The following ASAP2 variants were observed in gnomAD, a reference collection of about 807,000 sequenced individuals.
ASAP2 encodes the protein ArfGAP with SH3 domain, ankyrin repeat and PH domain 2, also known as arf-GAP with SH3 domain, ANK repeat and PH domain-containing protein 2.
A neutral mutation model predicts 131.4 loss-of-function variants in ASAP2; 45 were observed. The ratio of observed to expected loss-of-function variants is 0.34; its 90% CI spans 0.27 to 0.44. ASAP2 has a LOEUF of 0.44. ASAP2 is among the 20% of genes least tolerant of loss of function. The pLI, the probability that ASAP2 is intolerant of heterozygous loss-of-function variation, is 1.00. For missense variants in ASAP2, 1,011 were observed against 1,297.0 expected (o/e 0.78, Z 3.39); for synonymous variants, 510 against 503.0 (o/e 1.01, Z -0.19).
intron 2 of ASAP2, among the ~76,000 whole-genome samples, chr2:9,291,479 C>T (rs1308448746): frequency 6.6e-6 from 1 of 152,182 alleles, no homozygotes; most frequent in East Asian, 1.9e-4. Flanking sequence ...GTGGCATGTA[C>T]AGCCGACAGC....
At chr2:9,256,183 AAAG>A (rs2148169380) in intron 1 of ASAP2, among the ~76,000 whole-genome samples, 1 of 140,796 alleles carries the variant, frequency 7.1e-6, no homozygotes, top group East Asian at 2.1e-4. Context: ...AAAAAAAAAG[AAAG>A]CAAGTAATTC....
At chr2:9,254,226 A>AT (rs1664938180) in intron 1 of ASAP2, among the ~76,000 whole-genome samples, 1 of 72,372 alleles carries the variant, frequency 1.4e-5, no homozygotes, top group Non-Finnish European at 2.7e-5. Context: ...AAAAAAAAAA[A>AT]AAAAAAAAAA....
At chr2:9,380,958 G>A (rs1674792885) in intron 20 of ASAP2, 150 bp downstream of exon 20, 2 of 886,156 alleles carry the variant, frequency 2.3e-6, no homozygotes, top group South Asian at 3.3e-5. Flanking sequence ...GCCTGCCTTG[G>A]AGAAGGTATG....
intron 16 of ASAP2, among the ~76,000 whole-genome samples, chr2:9,368,992 G>A (rs770971152): frequency 9.3e-5 from 14 of 151,154 alleles, no homozygotes; most frequent in Non-Finnish European, 1.9e-4. Flanking sequence ...TTGTGTTATT[G>A]TTGATACACA....
chr2:9,332,859 A>G (rs1322470843), intron 7 of ASAP2, among the ~76,000 whole-genome samples: 3 of 152,234 alleles, frequency 2.0e-5, no homozygotes, highest in African/African-American at 7.2e-5. Context: ...AACATATTCT[A>G]TATTCAGAAA....
At chr2:9,230,995 A>G (rs1663121744) in intron 1 of ASAP2, among the ~76,000 whole-genome samples, 2 of 152,162 alleles carry the variant, frequency 1.3e-5, no homozygotes, top group African/African-American at 4.8e-5. Context: ...TGGCAGCACA[A>G]ACCCCTGCCT....
In ASAP2 at chr2:9,388,541, G is replaced by C. The variant is rs756858723; in HGVS notation, c.2378G>C (p.Gly793Ala). Residue 793 changes from glycine to alanine, a missense_variant, in exon 22 of 28, where the codon GGC becomes GCC. By Grantham distance (60) the Gly-to-Ala change is moderately conservative (BLOSUM62 0). Coordinates refer to ENST00000281419, the MANE Select transcript of ASAP2 (RefSeq NM_003887.3). Reference sequence around the variant, plus strand: ...CCCCCGCTTCCTCCACGGAATGTTGGCAAAGGTATGAAGCTGTCCGTCATC... The same window carrying C: ...CCCCCGCTTCCTCCACGGAATGTTGCCAAAGGTATGAAGCTGTCCGTCATC... ...SAPPLPPRNV[G>A]KVQTASSANT... The C allele has an allele frequency of 2.5e-6, 4 of 1,612,682 alleles. No homozygotes were observed. Among genetic ancestry groups the C allele is most frequent in the African/African-American group, 1.3e-5 (1 of 74,828 alleles).
intron 3 of ASAP2, among the ~76,000 whole-genome samples, chr2:9,299,929 G>A (rs1668377756): frequency 6.6e-6 from 1 of 152,166 alleles, no homozygotes; most frequent in Non-Finnish European, 1.5e-5. Flanking sequence ...GGCCCTGAAT[G>A]GTTTGAAGAG....
At chr2:9,275,579 C>A (rs1666710269) in intron 1 of ASAP2, among the ~76,000 whole-genome samples, 1 of 152,314 alleles carries the variant, frequency 6.6e-6, no homozygotes, top group Middle Eastern at 3.4e-3. Flanking sequence ...GTTCCCTCTT[C>A]TTTGCGTAGC....
chr2:9,264,512 A>G (rs1488196935), intron 1 of ASAP2, among the ~76,000 whole-genome samples: 2 of 152,202 alleles, frequency 1.3e-5, no homozygotes. Flanking sequence ...TCAGCCCAGC[A>G]GGCTGTATTC....
intron 1 of ASAP2, among the ~76,000 whole-genome samples, chr2:9,210,159 G>A (rs1661434066): frequency 6.6e-6 from 1 of 152,292 alleles, no homozygotes; most frequent in African/African-American, 2.4e-5. Context: ...GGCTCCTGCT[G>A]TTTTCAGAAA....
chr2:9,294,279 G>A (rs965119417), intron 2 of ASAP2, among the ~76,000 whole-genome samples: 1 of 152,094 alleles, frequency 6.6e-6, no homozygotes, highest in African/African-American at 2.4e-5. Context: ...GATTACAGGT[G>A]TGAGCCACCG....
rs777540234 is a variant in ASAP2 at position 9,393,478 on chromosome 2, G to A, written c.2519-4G>A. On this transcript the variant is annotated splice_region_variant and splice_polypyrimidine_tract_variant and intron_variant, in intron 23 of 27. Transcript: ENST00000281419. ...CTCTGCACGTCTCTCCCTGTCCTCC[G>A]CAGATCCCCTGACCCCCACGCCGCC... 75 of 1,603,136 alleles carry A rather than the reference G, an allele frequency of 4.7e-5. 4 individuals are homozygous for A. The South Asian group carries it at 7.6e-4, about 16-fold the overall frequency.
At chr2:9,395,437 T>C (rs928528056) in intron 24 of ASAP2, among the ~76,000 whole-genome samples, 3 of 151,920 alleles carry the variant, frequency 2.0e-5, no homozygotes, top group African/African-American at 7.2e-5. Context: ...ATCACGTCAT[T>C]GTACTCCAGC....
chr2:9,241,698 T>C (rs2666206), intron 1 of ASAP2, among the ~76,000 whole-genome samples: 8,686 of 152,242 alleles, frequency 0.057, 618 homozygotes, highest in African/African-American at 0.16. Flanking sequence ...ACCAAAGATA[T>C]GTACTGTAAT....
chr2:9,323,931 C>T (rs1214296424), intron 6 of ASAP2, among the ~76,000 whole-genome samples: 1 of 152,194 alleles, frequency 6.6e-6, no homozygotes, highest in African/African-American at 2.4e-5. Context: ...GCCTTGCTTG[C>T]CAGGTACGTG....
chr2:9,352,327 G>A (rs1399830848), intron 12 of ASAP2, among the ~76,000 whole-genome samples: 1 of 152,218 alleles, frequency 6.6e-6, no homozygotes, highest in Non-Finnish European at 1.5e-5. Context: ...AAACCTGATG[G>A]TGTAATCTGA....
chr2:9,250,753 C>G (rs888578660), intron 1 of ASAP2, among the ~76,000 whole-genome samples: 1 of 152,320 alleles, frequency 6.6e-6, no homozygotes, highest in Non-Finnish European at 1.5e-5. Flanking sequence ...TGAGATGTTG[C>G]AGTCTTCCTG....
chr2:9,270,529 A>T, intron 1 of ASAP2, among the ~76,000 whole-genome samples: 1 of 152,046 alleles, frequency 6.6e-6, no homozygotes, highest in African/African-American at 2.4e-5. Context: ...ATTAGGGTAA[A>T]TGGGGCTTCC....
Sources: allele counts gnomAD v4.1 joint callset (sites outside exome capture counted in the v4.1 genomes callset), GRCh38; gene constraint gnomAD v4.1.1; transcripts MANE v1.5; gene names NCBI Gene and HGNC (gene_info 2026-07-23, HGNC 2026-07-21).